Variants in ERICH1 observed in about 807,000 individuals in gnomAD.
ERICH1 encodes glutamate rich 1.
In ERICH1, 56 loss-of-function variants were observed where a neutral mutation model predicts 39.6. The observed-to-expected ratio is 1.41, with a 90% CI of 1.14 to 1.77. The LOEUF is 1.77. Ranked by LOEUF, ERICH1 falls within the 40% of genes most tolerant of loss-of-function variation. The pLI, the probability that ERICH1 is intolerant of heterozygous loss-of-function variation, is 0.00. For synonymous variants in ERICH1, 313 were observed against 223.6 expected (o/e 1.40, Z -3.57); for missense variants, 826 against 575.4 (o/e 1.44, Z -4.45).
At chr8:699,438 G>T (rs958114641) in intron 2 of ERICH1, among the ~76,000 whole-genome samples, 1 of 152,126 alleles carries the variant, frequency 6.6e-6, no homozygotes, top group African/African-American at 2.4e-5. Flanking sequence ...AACTTCAAGT[G>T]AAATCAGTGT....
At chr8:730,725 G>T (rs912096534) in intron 1 of ERICH1, among the ~76,000 whole-genome samples, 3 of 152,204 alleles carry the variant, frequency 2.0e-5, no homozygotes, top group African/African-American at 7.2e-5. Flanking sequence ...GCTCTGGGAG[G>T]TTCTGCTGTA....
At chr8:624,158 T>C (rs1462494435) in intron 3 of ERICH1, among the ~76,000 whole-genome samples, 2 of 152,156 alleles carry the variant, frequency 1.3e-5, no homozygotes, top group African/African-American at 4.8e-5. Context: ...AACTTCATTA[T>C]CCACCAAGAA....
chr8:702,080 A>G (rs1812280598), intron 2 of ERICH1, among the ~76,000 whole-genome samples: 1 of 20,668 alleles, frequency 4.8e-5, no homozygotes, highest in African/African-American at 8.2e-5. Context: ...ACATCTCAAA[A>G]AAAAAAAAAA....
intron 2 of ERICH1, among the ~76,000 whole-genome samples, chr8:708,681 G>GTTTTTTGTTTTTTTGTTTTTTTTTTT: frequency 3.0e-5 from 2 of 65,816 alleles, no homozygotes; most frequent in Admixed American, 1.9e-4. Context: ...GGGATAATGA[G>GTTTTTTGTTTTTTTGTTTTTTTTTTT]TTTTTTTTTT....
chr8:674,042 C>T lies in ERICH1; in HGVS notation c.310G>A (p.Asp104Asn), dbSNP rs1804089422. 6.5e-7 allele frequency: 1 copy of T among 1,540,230 alleles called. No individual in the cohort carries two copies. Among genetic ancestry groups the T allele is most frequent in the African/African-American group, 1.4e-5 (1 of 71,786 alleles). Residue 104 changes from aspartate to asparagine, a missense_variant, in exon 4 of 6, where the codon GAT (aspartate) becomes AAT (asparagine). Physicochemically the swap from Asp to Asn is conservative, Grantham distance 23. Coordinates refer to ENST00000262109, the MANE Select transcript of ERICH1 (RefSeq NM_207332.3). ...CTTCTCTTTGGCTGGTCATGAGGAT[C>T]CTGATCTGTTAAAAAAATTCAAATA... The part of the protein sequence containing the change: ...ASSGDDTEDQ[D>N]PHDQPKRRRI...
chr8:662,882 G>C (rs1474239188), downstream of ERICH1, among the ~76,000 whole-genome samples: 4 of 152,156 alleles, frequency 2.6e-5, no homozygotes, highest in African/African-American at 9.7e-5. Context: ...GGCAGGGGCG[G>C]GCAGGGCGCC....
intron 4 of ERICH1, chr8:669,023 G>A (rs1175857911): frequency 2.5e-5 from 13 of 518,142 alleles, no homozygotes; most frequent in South Asian, 1.3e-4. Context: ...CTGGTGAGAC[G>A]CCTCCCCTGG....
intron 3 of ERICH1, among the ~76,000 whole-genome samples, chr8:656,452 T>C (rs1703937): frequency 6.6e-6 from 1 of 152,020 alleles, no homozygotes; most frequent in Non-Finnish European, 1.5e-5. Context: ...GTCATCTCTA[T>C]GTTTGTTTGC....
chr8:723,396 G>C (rs778304775), intron 1 of ERICH1, among the ~76,000 whole-genome samples: 6 of 152,264 alleles, frequency 3.9e-5, no homozygotes, highest in Middle Eastern at 6.8e-3. Flanking sequence ...CCACTTAATA[G>C]ACTTACAAAC....
intron 3 of ERICH1, among the ~76,000 whole-genome samples, chr8:622,934 G>A (rs1797373094): frequency 6.9e-6 from 1 of 144,662 alleles, no homozygotes; most frequent in Admixed American, 7.0e-5. Context: ...CTCCAACCTG[G>A]GCAACAGAGG....
intron 1 of ERICH1, 40 bp downstream of exon 1, chr8:731,100 G>A (rs1819891974): frequency 6.9e-7 from 1 of 1,446,286 alleles, no homozygotes; most frequent in Admixed American, 2.5e-5. Flanking sequence ...CGAGAGCCGG[G>A]TCTGGGGTCT....
chr8:632,359 A>C (rs1467676935), intron 3 of ERICH1, among the ~76,000 whole-genome samples: 1 of 152,216 alleles, frequency 6.6e-6, no homozygotes, highest in Non-Finnish European at 1.5e-5. Flanking sequence ...CCAAGGCTGC[A>C]AGAAATGTTT....
downstream of ERICH1, among the ~76,000 whole-genome samples, chr8:661,534 T>G (rs904967544): frequency 6.6e-6 from 1 of 152,228 alleles, no homozygotes; most frequent in Non-Finnish European, 1.5e-5. Flanking sequence ...CTTCTCTGCC[T>G]GTCTTAATTG....
intron 3 of ERICH1, among the ~76,000 whole-genome samples, chr8:651,278 C>A (rs1422598559): frequency 6.6e-6 from 1 of 152,200 alleles, no homozygotes; most frequent in African/African-American, 2.4e-5. Flanking sequence ...CCCGAACCTG[C>A]CTGACACTGT....
At position 714,857 on chromosome 8, in the gene ERICH1, G is replaced by A. The variant is rs114996685; in HGVS notation, c.169+1004C>T. Among the ~76,000 whole-genome samples the A allele has an allele frequency of 5.1e-3, 772 of 152,034 alleles. 8 individuals carry two copies. The highest frequency in any genetic ancestry group is 0.018 in the African/African-American group (734 of 41,514). On this transcript the variant is annotated intron_variant, in intron 2 of 5. Transcript: ENST00000262109. Reference sequence around the variant, plus strand: ...CTCTCAGTAGGATGTGCTGTACATAGGTGGTCTATTCCCGTGTCTCTCGGT... The same window carrying A: ...CTCTCAGTAGGATGTGCTGTACATAAGTGGTCTATTCCCGTGTCTCTCGGT...
intron 2 of ERICH1, among the ~76,000 whole-genome samples, chr8:712,224 T>C (rs1703949): frequency 0.29 from 43,579 of 152,158 alleles, 6,482 homozygotes; most frequent in East Asian, 0.41. Flanking sequence ...TGAATGTGTA[T>C]ATCAAGTTAG....
intron 2 of ERICH1, among the ~76,000 whole-genome samples, chr8:699,910 G>GGCGCACAGACCCACACAC (rs1811441295): frequency 1.8e-5 from 1 of 56,280 alleles, no homozygotes; most frequent in Non-Finnish European, 3.8e-5. Context: ...GACCCGCACA[G>GGCGCACAGACCCACACAC]GCGCACAGGC....
intron 3 of ERICH1, among the ~76,000 whole-genome samples, chr8:628,330 T>A (rs988803826): frequency 6.6e-6 from 1 of 152,206 alleles, no homozygotes; most frequent in Non-Finnish European, 1.5e-5. Context: ...GCTGTGGAAA[T>A]ACTACTTTAC....
intron 3 of ERICH1, among the ~76,000 whole-genome samples, chr8:630,672 T>A (rs868182456): frequency 2.7e-4 from 24 of 90,242 alleles, no homozygotes; most frequent in Admixed American, 4.6e-4. Flanking sequence ...CAGAGCTGAC[T>A]CACACCCTCC....
Sources: gnomAD v4.1 joint callset for allele counts (sites outside exome capture counted in the v4.1 genomes callset) on GRCh38, gnomAD v4.1.1 for gene constraint, MANE v1.5 for transcripts, NCBI Gene and HGNC (gene_info 2026-07-23, HGNC 2026-07-21) for gene names.